The following BPTF variants were observed in gnomAD, a reference collection of about 807,000 sequenced individuals.
BPTF encodes nucleosome-remodeling factor subunit BPTF.
A neutral mutation model predicts 292.5 loss-of-function variants in BPTF; 18 were observed. The observed-to-expected ratio is 0.06, with a 90% confidence interval of 0.04 to 0.09. The LOEUF is 0.09. Among genes scored for constraint, BPTF ranks in the 10% least tolerant of loss-of-function variants. The pLI is 1.00. For synonymous variants in BPTF, 1,225 were observed against 1,251.9 expected, an observed-to-expected ratio of 0.98 and a Z score of 0.45; for missense variants, 2,726 against 3,498.7, an observed-to-expected ratio of 0.78 and a Z score of 5.57.
intron 25 of BPTF, among the ~76,000 whole-genome samples, chr17:67,964,867 C>T (rs541231605): frequency 9.9e-5 from 15 of 151,326 alleles, no homozygotes; most frequent in African/African-American, 1.7e-4. Context: ...GGCGTGGTGG[C>T]GGGCGCCTGT....
chr17:67,940,010 A>G (rs182213019), intron 18 of BPTF, among the ~76,000 whole-genome samples: 40 of 152,376 alleles, frequency 2.6e-4, no homozygotes, highest in Admixed American at 1.8e-3. Context: ...CAGTTGGCCC[A>G]GAATATTCCA....
At chr17:67,939,348 G>A (rs778656399) in intron 18 of BPTF, among the ~76,000 whole-genome samples, 18 of 152,158 alleles carry the variant, frequency 1.2e-4, no homozygotes, top group Non-Finnish European at 1.9e-4. Context: ...AAAAGGCAGC[G>A]AGTAAATATT....
In BPTF at chr17:67,951,543, G is replaced by A. The variant is rs2066357196; in HGVS notation, c.7926+3237G>A. The A allele has an allele frequency of 2.0e-5, 3 of 152,230 alleles. No homozygotes were observed. In the South Asian group the frequency reaches 6.2e-4, roughly 32 times the overall value. 9.4% of individuals were successfully genotyped at this position (152,230 alleles called of 1,614,324 possible). ...GTTTCCGTTCCACATTCTACACAGA[G>A]TGGGAAAATAGTTGTAGTTTATATC... On this transcript the variant is annotated intron_variant, in intron 23 of 27. Transcript: ENST00000306378.
intron 11 of BPTF, among the ~76,000 whole-genome samples, chr17:67,916,784 AAG>A (rs2063030908): frequency 6.6e-6 from 1 of 151,324 alleles, no homozygotes; most frequent in African/African-American, 2.4e-5. Flanking sequence ...AAAAAAAAAA[AAG>A]AAAGCATTGC....
Position 67,940,722 on chromosome 17 carries a change from A to G in BPTF, c.6477+66A>G. 2.0e-6 allele frequency: 3 copies of G among 1,495,632 alleles called. No homozygotes were observed. The Admixed American group carries it at 5.7e-5, about 28-fold the overall frequency. 92.6% of individuals were successfully genotyped at this position (1,495,632 alleles called of 1,614,324 possible). A position where few individuals can be genotyped will look rare whatever the true frequency, so the allele number is the denominator to read the frequency against. ...TATTTATTCTTGCGGTAAGTTTAAA[A>G]ACATGAACTTATTTTGATACGTTTT... On this transcript the variant is annotated intron_variant, in intron 19 of 27. Coordinates refer to ENST00000306378, the MANE Select transcript of BPTF (RefSeq NM_182641.4).
Position 67,940,553 on chromosome 17 carries a change from C to T in BPTF, c.6374C>T (p.Thr2125Met), listed in dbSNP as rs138207871. 413 of 1,614,126 alleles carry T rather than the reference C, an allele frequency of 2.6e-4. 1 individual carries two copies. In the Middle Eastern group the frequency reaches 3.0e-3, roughly 12 times the overall value. Reference sequence around the variant, plus strand: ...GGGCAGAAAAGCTTAACTTCAGCAACGTCCACTTCAAATATACAGTCTTCA... The same window carrying T: ...GGGCAGAAAAGCTTAACTTCAGCAATGTCCACTTCAAATATACAGTCTTCA... ...TPGQKSLTSA[T>M]STSNIQSSAS... The change falls in exon 19 of 28, where the codon ACG becomes ATG. Residue 2125 changes from threonine (T) to methionine (M), a missense_variant. By Grantham distance (81) the Thr-to-Met change is moderately conservative. This residue lies in a region of BPTF where 570 missense variants were observed against 633.5 expected (regional missense o/e 0.90). Transcript: ENST00000306378.
chr17:67,935,234 G>T (rs1420175065), intron 18 of BPTF, among the ~76,000 whole-genome samples: 1 of 152,068 alleles, frequency 6.6e-6, no homozygotes, highest in Non-Finnish European at 1.5e-5. Flanking sequence ...GACATCCTGG[G>T]CAATGTAGTG....
At chr17:67,843,754 CTTTTTTTTTTTTTT>C (rs56335701) in intron 1 of BPTF, among the ~76,000 whole-genome samples, 6 of 62,228 alleles carry the variant, frequency 9.6e-5, no homozygotes, top group African/African-American at 2.5e-4. Context: ...GAGCAGTTGT[CTTTTTTTTTTTTTT>C]TTTTTTTTTT....
At chr17:67,953,444 G>T (rs2066585229) in intron 23 of BPTF, among the ~76,000 whole-genome samples, 1 of 150,574 alleles carries the variant, frequency 6.6e-6, no homozygotes, top group Admixed American at 6.7e-5. Context: ...TTTTTGAAGA[G>T]ATAGGGTTTT....
chr17:67,834,202 T>G (rs888467176), intron 1 of BPTF, among the ~76,000 whole-genome samples: 2 of 152,184 alleles, frequency 1.3e-5, no homozygotes, highest in African/African-American at 2.4e-5. Context: ...GTGTTTTAGT[T>G]TCCAAATATT....
At chr17:67,964,810 T>A (rs182206861) in intron 25 of BPTF, among the ~76,000 whole-genome samples, 10 of 149,426 alleles carry the variant, frequency 6.7e-5, no homozygotes, top group Non-Finnish European at 1.5e-4. Context: ...CCATCCTGGC[T>A]AACACGGTGA....
chr17:67,901,479 A>G (rs1442703269), intron 7 of BPTF, among the ~76,000 whole-genome samples: 1 of 152,222 alleles, frequency 6.6e-6, no homozygotes, highest in Admixed American at 6.5e-5. Context: ...ATGTTATTGT[A>G]ATCAAAGTCA....
chr17:67,976,628 G>A (rs1324708667), intron 27 of BPTF, among the ~76,000 whole-genome samples: 4 of 146,658 alleles, frequency 2.7e-5, no homozygotes, highest in East Asian at 4.1e-4. Flanking sequence ...CAAGGCTGCC[G>A]TGAGCTGTGA....
At chr17:67,848,041 C>G (rs1270583581) in intron 1 of BPTF, among the ~76,000 whole-genome samples, 1 of 152,122 alleles carries the variant, frequency 6.6e-6, no homozygotes. Flanking sequence ...ATACCAATAC[C>G]GAGTGAGGCC....
intron 1 of BPTF, among the ~76,000 whole-genome samples, chr17:67,844,667 C>T (rs546992317): frequency 6.6e-6 from 1 of 151,762 alleles, no homozygotes; most frequent in Non-Finnish European, 1.5e-5. Flanking sequence ...TCCCAAAGTA[C>T]TAGGATTGCA....
rs58991615 is a variant in BPTF at position 67,898,921 on chromosome 17, CAAAAAAA to C, written c.2543+4771_2543+4777del. On this transcript the variant is annotated intron_variant, in intron 7 of 27. Coordinates refer to ENST00000306378, the MANE Select transcript of BPTF (RefSeq NM_182641.4). ...TGGGCAACAGAGTGATACCCTGTCT[CAAAAAAA>C]AAAAAAAAAAAAAATTTCTAAAAGT... 2.5e-4 allele frequency among the ~76,000 whole-genome samples: 20 copies of C among 80,008 alleles called. 1 individual carries two copies. Among genetic ancestry groups the C allele is most frequent in the Middle Eastern group, 6.8e-3 (1 of 146 alleles). 52.5% of individuals were successfully genotyped at this position (80,008 alleles called of 152,430 possible). A position where few individuals can be genotyped will look rare whatever the true frequency, so the allele number is the denominator to read the frequency against.
chr17:67,906,581 C>CA (rs2146737750), intron 9 of BPTF, among the ~76,000 whole-genome samples: 1 of 152,318 alleles, frequency 6.6e-6, no homozygotes, highest in East Asian at 1.9e-4. Context: ...TGGCAGGTCC[C>CA]AAGCCCTTTT....
intron 1 of BPTF, among the ~76,000 whole-genome samples, chr17:67,844,717 G>A (rs1006526147): frequency 1.3e-5 from 2 of 151,884 alleles, no homozygotes; most frequent in Admixed American, 6.6e-5. Flanking sequence ...CTTACAGTAT[G>A]TCTCACCATT....
chr17:67,825,985 C>T lies in BPTF; in HGVS notation c.261C>T (p.Thr87=), dbSNP rs1164232601. The part of the protein sequence containing the change: ...PPPPPPAPPS[T]SAPGRGGRGG... ...CGCCGCCGCCGGCCCCCCCCAGCAC[C>T]AGCGCCCCGGGCCGGGGGGGGCGAG... Residue 87 remains threonine, a synonymous_variant, in exon 1 of 28, where the codon ACC becomes ACT. Coordinates refer to ENST00000306378, the MANE Select transcript of BPTF (RefSeq NM_182641.4). 1.8e-6 allele frequency: 2 copies of T among 1,090,556 alleles called. No individual in the cohort carries two copies. The highest frequency in any genetic ancestry group is 2.2e-6 in the Non-Finnish European group (2 of 898,334). The allele number at this position is 1,090,556 out of a possible 1,614,324, so 67.6% of individuals were successfully genotyped here.
Sources: gnomAD v4.1 joint callset for allele counts (sites outside exome capture counted in the v4.1 genomes callset) on GRCh38, gnomAD v4.1.1 for gene constraint, gnomAD v4.1.1 regional missense constraint, MANE v1.5 for transcripts, NCBI Gene and HGNC (gene_info 2026-07-23, HGNC 2026-07-21) for gene names.